NAALADL2: variants seen among roughly 807,000 people sequenced by gnomAD.
The protein encoded by NAALADL2 is inactive N-acetylated-alpha-linked acidic dipeptidase-like protein 2.
In NAALADL2, 76 loss-of-function variants were observed where a neutral mutation model predicts 87.2. The ratio of observed to expected loss-of-function variants is 0.87; its 90% CI spans 0.72 to 1.05. The LOEUF is 1.05. NAALADL2 is among the 50% of genes least tolerant of loss of function. The pLI is 0.00. For synonymous variants in NAALADL2, 354 were observed against 331.0 expected (o/e 1.07, Z -0.75); for missense variants, 1,089 against 945.8 (o/e 1.15, Z -1.99).
intron 3 of NAALADL2, among the ~76,000 whole-genome samples, chr3:174,762,813 G>A (rs1366083295): frequency 6.6e-6 from 1 of 151,896 alleles, no homozygotes; most frequent in Non-Finnish European, 1.5e-5. Context: ...TGCAACTACA[G>A]TGCCAATAAT....
At chr3:175,049,016 G>A (rs1490439366) in intron 1 of NAALADL2, among the ~76,000 whole-genome samples, 1 of 152,092 alleles carries the variant, frequency 6.6e-6, no homozygotes, top group East Asian at 1.9e-4. Context: ...AAATACAGTA[G>A]TCTCCCTTTA....
Position 175,576,194 on chromosome 3 carries a change from G to T in NAALADL2, c.1800+7G>T. On this transcript the variant is annotated splice_region_variant and intron_variant, in intron 10 of 13. Transcript: ENST00000454872. ...GGACATCAAAACATTAGAGGTGATT[G>T]TTCCTAAAAAATGCAAAACACACAC... 2 of 1,608,832 alleles carry T rather than the reference G, an allele frequency of 1.2e-6. No homozygotes were observed. The highest frequency in any genetic ancestry group is 2.2e-5 in the East Asian group (1 of 44,836).
intron 2 of NAALADL2, chr3:175,218,132 C>T (rs1316449885): frequency 2.2e-6 from 1 of 444,504 alleles, no homozygotes; most frequent in Non-Finnish European, 4.5e-6. Context: ...AGGTAATCAG[C>T]TTATTATTTA....
chr3:175,088,008 C>G (rs533680167), intron 1 of NAALADL2, among the ~76,000 whole-genome samples: 1 of 151,588 alleles, frequency 6.6e-6, no homozygotes, highest in South Asian at 2.1e-4. Flanking sequence ...TCTTGGTTTT[C>G]TTTCCATTAC....
intron 9 of NAALADL2, among the ~76,000 whole-genome samples, chr3:175,529,002 A>G (rs1298054581): frequency 6.6e-6 from 1 of 152,012 alleles, no homozygotes; most frequent in African/African-American, 2.4e-5. Context: ...CAGGTCGTGG[A>G]TTTTTTCCTG....
intron 1 of NAALADL2, among the ~76,000 whole-genome samples, chr3:174,962,104 T>C (rs369420118): frequency 9.9e-5 from 15 of 151,962 alleles, no homozygotes; most frequent in Middle Eastern, 3.4e-3. Context: ...CCAATAGCCA[T>C]GTCATGAGTA....
chr3:174,849,281 A>G (rs1420139988), intron 3 of NAALADL2, among the ~76,000 whole-genome samples: 2 of 152,132 alleles, frequency 1.3e-5, no homozygotes, highest in South Asian at 2.1e-4. Context: ...TACTTTACAA[A>G]CTTTTTATTA....
At chr3:174,982,155 G>C (rs541463301) in intron 1 of NAALADL2, among the ~76,000 whole-genome samples, 30 of 152,230 alleles carry the variant, frequency 2.0e-4, no homozygotes, top group Non-Finnish European at 4.1e-4. Context: ...TTCCATGGGG[G>C]ACAAATGTGT....
In NAALADL2 at chr3:175,582,758, G is replaced by A. The variant is rs75990759; in HGVS notation, c.1800+6571G>A. Among the ~76,000 whole-genome samples, 400 of 152,188 alleles carry A rather than the reference G, an allele frequency of 2.6e-3. 1 individual carries two copies. In the Middle Eastern group the frequency reaches 0.034, roughly 13 times the overall value. On this transcript the variant is annotated intron_variant, in intron 10 of 13. Coordinates refer to ENST00000454872, the MANE Select transcript of NAALADL2 (RefSeq NM_207015.3). ...TCACAGTCTAGATTCAAACTCAGTC[G>A]TATAAACAATTAAATAAAGTAAGTA...
At chr3:175,033,614 GACACA>G (rs1466515550) in intron 1 of NAALADL2, among the ~76,000 whole-genome samples, 1 of 152,046 alleles carries the variant, frequency 6.6e-6, no homozygotes, top group Admixed American at 6.6e-5. Context: ...AGCAACATTT[GACACA>G]GGTGGTCTCT....
At chr3:174,736,765 G>A (rs560360693) in intron 2 of NAALADL2, among the ~76,000 whole-genome samples, 12 of 152,086 alleles carry the variant, frequency 7.9e-5, no homozygotes, top group South Asian at 4.1e-4. Flanking sequence ...CAGTTTTACC[G>A]GGGAGCCGTC....
At chr3:175,623,948 A>AG (rs1345353091) in intron 10 of NAALADL2, among the ~76,000 whole-genome samples, 1 of 151,282 alleles carries the variant, frequency 6.6e-6, no homozygotes, top group Non-Finnish European at 1.5e-5. Flanking sequence ...TGTAAATGAA[A>AG]AAAAAAATAC....
intron 3 of NAALADL2, among the ~76,000 whole-genome samples, chr3:174,780,990 T>C (rs974958269): frequency 9.9e-5 from 15 of 152,262 alleles, no homozygotes; most frequent in African/African-American, 3.6e-4. Context: ...ACAAAATCTC[T>C]CAGCATTTGC....
chr3:175,516,082 G>A (rs550666194), intron 9 of NAALADL2, among the ~76,000 whole-genome samples: 10 of 152,294 alleles, frequency 6.6e-5, no homozygotes, highest in African/African-American at 2.2e-4. Context: ...ACTAAACTGA[G>A]CATGTGATAC....
chr3:174,737,256 C>T (rs1229574544), intron 2 of NAALADL2, among the ~76,000 whole-genome samples: 2 of 152,234 alleles, frequency 1.3e-5, no homozygotes, highest in African/African-American at 4.8e-5. Flanking sequence ...CTGCCTTGGC[C>T]TCCCAAAGTG....
intron 2 of NAALADL2, among the ~76,000 whole-genome samples, chr3:174,607,536 A>G (rs1246515075): frequency 6.7e-6 from 1 of 150,110 alleles, no homozygotes; most frequent in Admixed American, 6.6e-5. Flanking sequence ...GATAAAACAG[A>G]CTTTAAACCA....
At chr3:174,961,295 A>G (rs1238443691) in intron 1 of NAALADL2, among the ~76,000 whole-genome samples, 1 of 151,482 alleles carries the variant, frequency 6.6e-6, no homozygotes, top group Non-Finnish European at 1.5e-5. Context: ...TGGTTGAGAA[A>G]ATCATTTTAA....
At chr3:175,521,163 A>C (rs1732600286) in intron 9 of NAALADL2, among the ~76,000 whole-genome samples, 1 of 151,806 alleles carries the variant, frequency 6.6e-6, no homozygotes, top group Non-Finnish European at 1.5e-5. Context: ...ATATCTACAG[A>C]GACTTTATTT....
intron 3 of NAALADL2, among the ~76,000 whole-genome samples, chr3:174,743,806 ATT>A (rs146825234): frequency 1.3e-5 from 2 of 151,068 alleles, no homozygotes; most frequent in Non-Finnish European, 3.0e-5. Flanking sequence ...TAAAGAACAT[ATT>A]TTTTTTTCAT....
Sources: gnomAD v4.1 joint callset for allele counts (sites outside exome capture counted in the v4.1 genomes callset) on GRCh38, gnomAD v4.1.1 for gene constraint, MANE v1.5 for transcripts, NCBI Gene and HGNC (gene_info 2026-07-23, HGNC 2026-07-21) for gene names.